The following PTPRT variants were observed in gnomAD, a reference collection of about 807,000 sequenced individuals.
PTPRT encodes the protein receptor-type tyrosine-protein phosphatase T.
A neutral mutation model predicts 176.8 loss-of-function variants in PTPRT; 56 were observed. The ratio of observed to expected loss-of-function variants is 0.32; its 90% CI spans 0.26 to 0.40. PTPRT has a LOEUF of 0.40. PTPRT is among the 10% of genes least tolerant of loss of function. The probability of loss-of-function intolerance (pLI) is 1.00; values close to 1 mark genes in which losing one functional copy is unlikely to be tolerated. For missense variants in PTPRT, 1,540 were observed against 1,908.2 expected (o/e 0.81, Z 3.60); for synonymous variants, 783 against 739.0 (o/e 1.06, Z -0.96).
intron 2 of PTPRT, among the ~76,000 whole-genome samples, chr20:42,801,979 C>T (rs1406242066): frequency 6.6e-6 from 1 of 152,206 alleles, no homozygotes; most frequent in African/African-American, 2.4e-5. Flanking sequence ...CAGAGTCTCA[C>T]AGCCAAAGGG....
intron 1 of PTPRT, among the ~76,000 whole-genome samples, chr20:43,000,493 C>G (rs1421258686): frequency 6.6e-6 from 1 of 151,592 alleles, no homozygotes; most frequent in African/African-American, 2.4e-5. Context: ...AAAAAAACCA[C>G]AGAAACAATA....
chr20:42,225,604 G>C (rs896202475), intron 15 of PTPRT, among the ~76,000 whole-genome samples: 1 of 152,134 alleles, frequency 6.6e-6, no homozygotes, highest in Non-Finnish European at 1.5e-5. Flanking sequence ...CTGTGTGTGT[G>C]TGTTTCAATG....
chr20:42,387,551 A>G (rs2058756339), intron 9 of PTPRT, among the ~76,000 whole-genome samples: 1 of 152,082 alleles, frequency 6.6e-6, no homozygotes, highest in Non-Finnish European at 1.5e-5. Flanking sequence ...ATTATTTGAA[A>G]ATCCGTATCC....
At chr20:42,910,228 T>C (rs1334328822) in intron 1 of PTPRT, among the ~76,000 whole-genome samples, 11 of 152,206 alleles carry the variant, frequency 7.2e-5, no homozygotes, top group Admixed American at 7.2e-4. Context: ...AGAATCACCC[T>C]GATTTCCTCC....
chr20:42,593,012 T>G (rs2145763738), intron 7 of PTPRT, among the ~76,000 whole-genome samples: 1 of 152,322 alleles, frequency 6.6e-6, no homozygotes, highest in East Asian at 1.9e-4. Flanking sequence ...TGGGGTCGAT[T>G]AAGCCAGTAA....
chr20:42,863,645 C>T (rs765303800), intron 2 of PTPRT, among the ~76,000 whole-genome samples: 2 of 152,136 alleles, frequency 1.3e-5, no homozygotes, highest in South Asian at 4.1e-4. Context: ...TGTCAGTGGT[C>T]GTGAGCTCCT....
chr20:42,655,344 G>A lies in PTPRT; in HGVS notation c.1153+22522C>T, dbSNP rs141046515. ...TGTCTCTATTAAAAATACAAAAACT[G>A]GCCGGGCATGGTAGTGCACCCCTGT... On this transcript the variant is annotated intron_variant, in intron 7 of 30. Coordinates refer to ENST00000373187, the MANE Select transcript of PTPRT (RefSeq NM_007050.6). Among the ~76,000 whole-genome samples, 245 of 152,092 alleles carry A rather than the reference G, an allele frequency of 1.6e-3. 5 individuals are homozygous for A. Among genetic ancestry groups the A allele is most frequent in the Admixed American group, 0.011 (174 of 15,256 alleles).
intron 2 of PTPRT, among the ~76,000 whole-genome samples, chr20:42,811,587 G>A (rs2077698576): frequency 6.6e-6 from 1 of 152,146 alleles, no homozygotes; most frequent in Non-Finnish European, 1.5e-5. Context: ...TTATTTTGAT[G>A]TTAAGCTTAT....
intron 1 of PTPRT, among the ~76,000 whole-genome samples, chr20:43,094,379 C>T (rs1189384184): frequency 6.7e-6 from 1 of 149,838 alleles, no homozygotes; most frequent in East Asian, 2.0e-4. Flanking sequence ...AGCCACCGCA[C>T]CCGGCCTCTT....
At chr20:43,182,290 G>A (rs760125930) in intron 1 of PTPRT, among the ~76,000 whole-genome samples, 1 of 152,102 alleles carries the variant, frequency 6.6e-6, no homozygotes, top group Non-Finnish European at 1.5e-5. Context: ...AGCAGGAGCT[G>A]GAACATAACT....
At chr20:42,650,490 C>T (rs1010654331) in intron 7 of PTPRT, among the ~76,000 whole-genome samples, 2 of 152,118 alleles carry the variant, frequency 1.3e-5, no homozygotes, top group Non-Finnish European at 2.9e-5. Flanking sequence ...CAATCAGCTG[C>T]AGTAGAGGGG....
intron 1 of PTPRT, among the ~76,000 whole-genome samples, chr20:43,102,623 T>G (rs901451099): frequency 2.0e-5 from 3 of 152,160 alleles, no homozygotes; most frequent in African/African-American, 7.2e-5. Context: ...GATGGCAATT[T>G]GTGGCTGTGG....
chr20:42,821,780 G>A (rs745784468), intron 2 of PTPRT, among the ~76,000 whole-genome samples: 37 of 152,082 alleles, frequency 2.4e-4, no homozygotes, highest in Non-Finnish European at 4.0e-4. Flanking sequence ...GGCAAGCAGA[G>A]AGCCAAATCA....
At chr20:42,568,263 G>A (rs530401889) in intron 7 of PTPRT, among the ~76,000 whole-genome samples, 6 of 151,828 alleles carry the variant, frequency 4.0e-5, no homozygotes, top group Admixed American at 6.6e-5. Flanking sequence ...CACCGCGCCC[G>A]GCTGAGTTTG....
intron 7 of PTPRT, among the ~76,000 whole-genome samples, chr20:42,609,865 G>C (rs913787900): frequency 6.6e-6 from 1 of 152,204 alleles, no homozygotes; most frequent in African/African-American, 2.4e-5. Context: ...GCAGCCGAGC[G>C]TGAGCACATT....
intron 23 of PTPRT, among the ~76,000 whole-genome samples, chr20:42,109,567 A>ATAAT (rs1413041242): frequency 2.0e-5 from 3 of 152,282 alleles, no homozygotes; most frequent in South Asian, 2.1e-4. Flanking sequence ...GATCTTGAAA[A>ATAAT]TAATATAGAA....
Position 42,104,704 on chromosome 20 carries a change from A to G in PTPRT, c.3405T>C (p.Phe1135=). Reference sequence around the variant, plus strand: ...ACGCTTCCAGGATGGCATCGTGCACAAACACATATTGCTCCTGCAAAGTCA... The same window carrying G: ...ACGCTTCCAGGATGGCATCGTGCACGAACACATATTGCTCCTGCAAAGTCA... ...NLVQTEEQYV[F]VHDAILEACL... Residue 1135 remains phenylalanine, a synonymous_variant, in exon 25 of 31, where the codon TTT becomes TTC. Coordinates refer to ENST00000373187, the MANE Select transcript of PTPRT (RefSeq NM_007050.6). 4 of 1,584,222 alleles carry G rather than the reference A, an allele frequency of 2.5e-6. No individual in the cohort carries two copies. Among genetic ancestry groups the G allele is most frequent in the East Asian group, 4.5e-5 (2 of 44,712 alleles).
chr20:42,900,294 G>GGT (rs2079380118), intron 1 of PTPRT, among the ~76,000 whole-genome samples: 1 of 152,272 alleles, frequency 6.6e-6, no homozygotes, highest in East Asian at 1.9e-4. Context: ...CATTCAGTCA[G>GGT]GTGTGTGTGA....
chr20:42,177,147 G>T (rs565392459), intron 16 of PTPRT, among the ~76,000 whole-genome samples: 2 of 152,310 alleles, frequency 1.3e-5, no homozygotes, highest in South Asian at 4.1e-4. Context: ...CATATCTAGA[G>T]ATCTTCTATA....
Sources: allele counts gnomAD v4.1 joint callset (sites outside exome capture counted in the v4.1 genomes callset), GRCh38; gene constraint gnomAD v4.1.1; transcripts MANE v1.5; gene names NCBI Gene and HGNC (gene_info 2026-07-23, HGNC 2026-07-21).